The following TBXAS1 variants were observed in gnomAD, a reference collection of about 807,000 sequenced individuals.
The protein encoded by TBXAS1 is thromboxane-A synthase.
TBXAS1 carries 48 observed loss-of-function variants against 60.7 expected under a neutral mutation model. The observed-to-expected ratio is 0.79, with a 90% CI of 0.63 to 1.01. TBXAS1 has a LOEUF of 1.01. Ranked by LOEUF, TBXAS1 falls within the 50% of genes least tolerant of loss-of-function variation. The pLI is 0.00. For missense variants in TBXAS1, 685 were observed against 686.3 expected (o/e 1.00, Z 0.02); for synonymous variants, 287 against 269.7 (o/e 1.06, Z -0.63).
rs530220094 is a variant in TBXAS1, at chr7:139,794,106, T to G, written c.-80+6680T>G. 3.5e-4 allele frequency among the ~76,000 whole-genome samples: 54 copies of G among 152,120 alleles called. 1 individual carries two copies. The South Asian group carries it at 0.01, about 29-fold the overall frequency. On this transcript the variant is annotated intron_variant, in intron 4 of 16. Transcript: ENST00000336425. Reference sequence around the variant, plus strand: ...CACAAGACACTTTCTTTTTTTTTTTTGGTCTGTTTATTTGAGATGGAGTTT... The same window carrying G: ...CACAAGACACTTTCTTTTTTTTTTTGGGTCTGTTTATTTGAGATGGAGTTT...
At chr7:139,918,470 C>T (rs551044139) in intron 4 of TBXAS1, among the ~76,000 whole-genome samples, 18 of 152,154 alleles carry the variant, frequency 1.2e-4, no homozygotes, top group African/African-American at 3.9e-4. Context: ...ATATCAGGAA[C>T]ACCCTTGTCC....
At chr7:140,017,949 TG>T in intron 12 of TBXAS1, 116 bp downstream of exon 12, 1 of 1,436,708 alleles carries the variant, frequency 7.0e-7, no homozygotes, top group Non-Finnish European at 9.7e-7. Flanking sequence ...TCCGTGAGCT[TG>T]GGCAAGCTCC....
intron 11 of TBXAS1, among the ~76,000 whole-genome samples, chr7:140,017,311 G>C (rs1032178589): frequency 2.0e-5 from 3 of 152,318 alleles, no homozygotes; most frequent in African/African-American, 7.2e-5. Context: ...TGGCGCCATG[G>C]GCCCAGGTGA....
At chr7:139,907,157 C>T (rs1487153983) in intron 3 of TBXAS1, among the ~76,000 whole-genome samples, 1 of 152,154 alleles carries the variant, frequency 6.6e-6, no homozygotes, top group African/African-American at 2.4e-5. Context: ...TTAAGTATGA[C>T]ATTAGCTGTA....
chr7:139,900,329 C>T (rs930860782), intron 3 of TBXAS1, among the ~76,000 whole-genome samples: 12 of 152,126 alleles, frequency 7.9e-5, no homozygotes, highest in African/African-American at 1.7e-4. Context: ...GCGCCTGGAA[C>T]GGATTTCTGT....
chr7:139,835,212 G>A (rs540551059), intron 1 of TBXAS1, among the ~76,000 whole-genome samples: 1 of 152,094 alleles, frequency 6.6e-6, no homozygotes, highest in Non-Finnish European at 1.5e-5. Flanking sequence ...CACTACAGGT[G>A]CCCGCCACCA....
chr7:139,875,834 C>T, intron 3 of TBXAS1, 197 bp downstream of exon 3: 1 of 665,898 alleles, frequency 1.5e-6, no homozygotes, highest in Non-Finnish European at 2.6e-6. Context: ...TGGGGTTGCC[C>T]ACGGGGGGAC....
intron 9 of TBXAS1, among the ~76,000 whole-genome samples, chr7:139,966,232 C>G (rs190948947): frequency 2.6e-5 from 4 of 152,220 alleles, no homozygotes; most frequent in Admixed American, 1.3e-4. Flanking sequence ...GTTTCTTTTC[C>G]CTGAGCAATT....
At position 139,980,954 on chromosome 7, in the gene TBXAS1, T is replaced by C. The variant is rs1811931243; in HGVS notation, c.1134+18721T>C. On this transcript the variant is annotated intron_variant, in intron 9 of 12. Transcript: ENST00000448866. ...TATTCCACAGATGAAAAAAAAAAAT[T>C]ATAAAAGCGAAACCAAAAATACTGG... 1.3e-5 allele frequency among the ~76,000 whole-genome samples: 2 copies of C among 151,370 alleles called. 1 individual carries two copies. The highest frequency in any genetic ancestry group is 4.2e-4 in the South Asian group (2 of 4,808).
intron 4 of TBXAS1, among the ~76,000 whole-genome samples, chr7:139,793,005 C>G (rs1386996329): frequency 6.6e-6 from 1 of 152,144 alleles, no homozygotes; most frequent in African/African-American, 2.4e-5. Flanking sequence ...AATGTTCAGA[C>G]CAGGTCACCA....
At chr7:139,937,985 A>G (rs1261527903) in intron 5 of TBXAS1, among the ~76,000 whole-genome samples, 2 of 152,136 alleles carry the variant, frequency 1.3e-5, no homozygotes, top group Admixed American at 1.3e-4. Flanking sequence ...TTTGGAACCA[A>G]CTGAGGTATG....
rs10229416 is a variant in TBXAS1, at chr7:139,990,645, G to A, written c.1135-16446G>A. Among the ~76,000 whole-genome samples the A allele has an allele frequency of 5.2e-3, 785 of 151,990 alleles. 7 individuals are homozygous for A. Among genetic ancestry groups the A allele is most frequent in the African/African-American group, 0.018 (747 of 41,456 alleles). On this transcript the variant is annotated intron_variant, in intron 9 of 12. Coordinates refer to ENST00000448866, the MANE Select transcript of TBXAS1 (RefSeq NM_001061.7). ...GTCCAGCTCAGCTGTGCCCCCTCTC[G>A]GGGCCGCTCTGGTGGCTTCTTTGCT...
At chr7:139,919,906 T>C (rs931271461) in intron 4 of TBXAS1, among the ~76,000 whole-genome samples, 2 of 152,204 alleles carry the variant, frequency 1.3e-5, no homozygotes, top group Non-Finnish European at 2.9e-5. Context: ...ATTGGTGATA[T>C]AGGCCACCCC....
intron 9 of TBXAS1, among the ~76,000 whole-genome samples, chr7:139,988,304 C>T (rs553778573): frequency 5.9e-5 from 9 of 152,376 alleles, no homozygotes; most frequent in African/African-American, 1.9e-4. Flanking sequence ...GTGGCTCCAG[C>T]TTAGCCCGAG....
intron 1 of TBXAS1, among the ~76,000 whole-genome samples, chr7:139,838,402 G>C (rs1799208544): frequency 6.6e-6 from 1 of 152,156 alleles, no homozygotes; most frequent in Non-Finnish European, 1.5e-5. Context: ...GCTCTGCCTG[G>C]TGCTTTCTTC....
intron 4 of TBXAS1, among the ~76,000 whole-genome samples, chr7:139,934,359 T>G (rs1415751993): frequency 6.6e-6 from 1 of 152,042 alleles, no homozygotes; most frequent in East Asian, 1.9e-4. Context: ...TGGCTAATTT[T>G]TGTATTTTAG....
intron 3 of TBXAS1, among the ~76,000 whole-genome samples, chr7:139,879,045 A>G (rs1802477518): frequency 6.6e-6 from 1 of 152,186 alleles, no homozygotes; most frequent in Admixed American, 6.5e-5. Flanking sequence ...CACCCTAGCA[A>G]TTCAAGAGTT....
chr7:139,927,568 AC>A lies in TBXAS1; in HGVS notation c.334-8622del, dbSNP rs576259326. ...ACTTAAGATATGAGTAGTTTACATA[AC>A]ACAACTACAGTACTATAATAATCTT... is the stretch of plus-strand genomic sequence containing the variant. On this transcript the variant is annotated intron_variant, in intron 4 of 12. Coordinates refer to ENST00000448866, the MANE Select transcript of TBXAS1 (RefSeq NM_001061.7). 3.7e-3 allele frequency among the ~76,000 whole-genome samples: 558 copies of A among 152,292 alleles called. 4 individuals carry two copies. The highest frequency in any genetic ancestry group is 0.013 in the African/African-American group (526 of 41,576).
intron 9 of TBXAS1, among the ~76,000 whole-genome samples, chr7:139,984,616 G>GAA (rs146808695): frequency 0.25 from 13,835 of 55,834 alleles, 2,228 homozygotes; most frequent in Middle Eastern, 0.41. Flanking sequence ...AAGAAAGAAA[G>GAA]AGAGAGAGAG....
Sources: gnomAD v4.1 joint callset for allele counts (sites outside exome capture counted in the v4.1 genomes callset) on GRCh38, gnomAD v4.1.1 for gene constraint, MANE v1.5 for transcripts, NCBI Gene and HGNC (gene_info 2026-07-23, HGNC 2026-07-21) for gene names.